CCNH: variants seen among roughly 807,000 people sequenced by gnomAD.
CCNH encodes cyclin H.
A neutral mutation model predicts 41.9 loss-of-function variants in CCNH; 31 were observed. The observed-to-expected ratio is 0.74, with a 90% confidence interval of 0.56 to 1.00. CCNH has a LOEUF of 1.00. Ranked by LOEUF, CCNH falls within the 50% of genes least tolerant of loss-of-function variation. CCNH has a pLI of 0.00. For synonymous variants in CCNH, 138 were observed against 136.1 expected (o/e 1.01, Z -0.10); for missense variants, 362 against 388.4 (o/e 0.93, Z 0.57).
downstream of CCNH, among the ~76,000 whole-genome samples, chr5:87,314,675 G>T (rs1012291183): frequency 1.3e-5 from 2 of 152,124 alleles, no homozygotes; most frequent in Non-Finnish European, 2.9e-5. Flanking sequence ...GGCAAGTAAA[G>T]ATGAGAAACA....
At chr5:87,374,981 A>G (rs984415976), downstream of CCNH, 8 of 1,536,424 alleles carry the variant, frequency 5.2e-6, no homozygotes, top group Admixed American at 3.9e-5. Context: ...AAAATTCACA[A>G]TGAAAGTCTT....
At chr5:87,374,459 A>ATTTTTTTTTTTTTTT (rs770426797), downstream of CCNH, 4 of 164,172 alleles carry the variant, frequency 2.4e-5, no homozygotes, top group African/African-American at 3.0e-5. Context: ...ATATATATAT[A>ATTTTTTTTTTTTTTT]TTTTTTTTTT....
At chr5:87,381,938 T>A (rs11750894), upstream of CCNH, among the ~76,000 whole-genome samples, 55,358 of 152,032 alleles carry the variant, frequency 0.36, 10,501 homozygotes, top group East Asian at 0.48. Context: ...ATTTGGGAAG[T>A]CCAAAATTAA....
chr5:87,350,984 C>A (rs968785919), intron 9 of CCNH, among the ~76,000 whole-genome samples: 1 of 151,452 alleles, frequency 6.6e-6, no homozygotes, highest in Admixed American at 6.6e-5. Context: ...GAAGATAAAT[C>A]TTTGTGCTTA....
At chr5:87,336,994 C>A (rs1561291141) in intron 9 of CCNH, among the ~76,000 whole-genome samples, 1 of 151,952 alleles carries the variant, frequency 6.6e-6, no homozygotes, top group Non-Finnish European at 1.5e-5. Context: ...GCAGTTAAAG[C>A]TTTCAAGGAT....
intron 9 of CCNH, chr5:87,363,196 A>G (rs552633998): frequency 2.8e-5 from 20 of 713,258 alleles, no homozygotes; most frequent in Non-Finnish European, 4.3e-5. Flanking sequence ...CAGATTTGTT[A>G]TAGGCATTTT....
intron 9 of CCNH, among the ~76,000 whole-genome samples, chr5:87,344,868 C>A (rs184091073): frequency 1.3e-4 from 20 of 151,974 alleles, no homozygotes; most frequent in Admixed American, 5.9e-4. Flanking sequence ...AGAATTCTTC[C>A]ATTCATACTT....
At chr5:87,331,409 T>G (rs1369902167) in intron 9 of CCNH, 2 of 1,613,478 alleles carry the variant, frequency 1.2e-6, no homozygotes, top group Non-Finnish European at 1.7e-6. Flanking sequence ...GGCAGGGAAG[T>G]CTGGCAGTTA....
chr5:87,365,043 A>C (rs576185609), intron 9 of CCNH, among the ~76,000 whole-genome samples: 10 of 152,180 alleles, frequency 6.6e-5, no homozygotes, highest in Non-Finnish European at 8.8e-5. Flanking sequence ...ACAGTTAAAA[A>C]CAGTAAAAGT....
At chr5:87,314,511 G>C (rs1163409176), downstream of CCNH, among the ~76,000 whole-genome samples, 3 of 152,194 alleles carry the variant, frequency 2.0e-5, no homozygotes, top group African/African-American at 7.2e-5. Context: ...AAGGCTTTTT[G>C]ACTGATTGGA....
chr5:87,368,553 C>T (rs1403300821), intron 9 of CCNH, among the ~76,000 whole-genome samples: 1 of 152,118 alleles, frequency 6.6e-6, no homozygotes, highest in Non-Finnish European at 1.5e-5. Context: ...AAGAATTGTT[C>T]TTACGGATGG....
intron 9 of CCNH, chr5:87,370,004 G>T: frequency 1.0e-6 from 1 of 957,056 alleles, no homozygotes; most frequent in African/African-American, 1.6e-5. Flanking sequence ...GTGACAGAAC[G>T]CCTGAAATCT....
At position 87,338,156 on chromosome 5, in the gene CCNH, G is replaced by A. The variant is rs3752862; in HGVS notation, c.*91-19259C>T. Reference sequence around the variant, plus strand: ...TATTTTATAAATTTGGATCTTGTCCGTAATCAGAGAAAGTAGCTATGAATA... The same window carrying A: ...TATTTTATAAATTTGGATCTTGTCCATAATCAGAGAAAGTAGCTATGAATA... On this transcript the variant is annotated intron_variant and NMD_transcript_variant, in intron 9 of 9. Transcript: ENST00000645953. 0.51 allele frequency: 807,916 copies of A among 1,598,196 alleles called. 210,693 individuals carry two copies. Among genetic ancestry groups the A allele is most frequent in the African/African-American group, 0.88 (65,377 of 74,208 alleles).
intron 3 of CCNH, among the ~76,000 whole-genome samples, chr5:87,408,711 C>G (rs1396554780): frequency 6.6e-6 from 1 of 152,112 alleles, no homozygotes. Flanking sequence ...TATGAGAAAA[C>G]AGTAAGAAAG....
intron 9 of CCNH, among the ~76,000 whole-genome samples, chr5:87,350,246 T>C (rs1396374073): frequency 6.6e-6 from 1 of 151,814 alleles, no homozygotes; most frequent in African/African-American, 2.4e-5. Context: ...AAGATGTGAG[T>C]CTAGGCAGCT....
intron 9 of CCNH, among the ~76,000 whole-genome samples, chr5:87,368,265 G>T (rs188732157): frequency 1.6e-3 from 242 of 151,646 alleles, no homozygotes; most frequent in African/African-American, 5.4e-3. Context: ...CACTTTTTCA[G>T]GACTTCATTT....
intron 9 of CCNH, among the ~76,000 whole-genome samples, chr5:87,368,316 G>C (rs1175270916): frequency 6.6e-6 from 1 of 151,816 alleles, no homozygotes; most frequent in East Asian, 1.9e-4. Context: ...TTTTTTTAAA[G>C]ATACAGTTTC....
chr5:87,321,750 A>G (rs1756828669), intron 9 of CCNH, among the ~76,000 whole-genome samples: 1 of 152,144 alleles, frequency 6.6e-6, no homozygotes, highest in South Asian at 2.1e-4. Flanking sequence ...CCACCTTCAC[A>G]TGTTCAGCTG....
At chr5:87,376,819 G>T in exon 1 of CCNH, 1 of 1,480,168 alleles carries the variant, frequency 6.8e-7, no homozygotes, top group Non-Finnish European at 9.4e-7. Context: ...TTTCTTGTTA[G>T]TCTCATGGAG....
Sources: gnomAD v4.1 joint callset for allele counts (sites outside exome capture counted in the v4.1 genomes callset) on GRCh38, gnomAD v4.1.1 for gene constraint, MANE v1.5 for transcripts, NCBI Gene and HGNC (gene_info 2026-07-23, HGNC 2026-07-21) for gene names.